SRP72: variants seen among roughly 807,000 people sequenced by gnomAD.
The protein encoded by SRP72 is signal recognition particle subunit SRP72.
A neutral mutation model predicts 96.3 loss-of-function variants in SRP72; 49 were observed. That is an observed-to-expected ratio of 0.51 (90% CI 0.40 to 0.65). The LOEUF (loss-of-function observed/expected upper bound fraction) is 0.65. Among genes scored for constraint, SRP72 ranks in the 30% least tolerant of loss-of-function variants. SRP72 has a pLI of 0.00. For missense variants in SRP72, 736 were observed against 793.3 expected, an observed-to-expected ratio of 0.93 and a Z score of 0.87; for synonymous variants, 267 against 275.2, an observed-to-expected ratio of 0.97 and a Z score of 0.30.
chr4:56,472,043 T>G (rs1468824268), intron 3 of SRP72, among the ~76,000 whole-genome samples, 200 bp downstream of exon 3: 1 of 152,208 alleles, frequency 6.6e-6, no homozygotes, highest in Non-Finnish European at 1.5e-5. Flanking sequence ...TATGAACAAA[T>G]GACTTCCTCA....
Position 56,501,979 on chromosome 4 carries a change from A to G in SRP72, c.*118A>G, listed in dbSNP as rs1324304372. 9.0e-7 allele frequency: 1 copy of G among 1,111,354 alleles called. No homozygotes were observed. 68.8% of individuals were successfully genotyped at this position (1,111,354 alleles called of 1,614,324 possible). On this transcript the variant is annotated 3_prime_UTR_variant, in exon 19 of 19. Coordinates refer to ENST00000642900, the MANE Select transcript of SRP72 (RefSeq NM_006947.4). ...CCCTCTTCATCTCCATATTTTCATA[A>G]TTTCTTGTGTTTCAAATAGGGAAAC...
rs770391551 is a variant in SRP72, at chr4:56,478,481, T to C, written c.745T>C (p.Tyr249His). 4 of 1,614,068 alleles carry C rather than the reference T, an allele frequency of 2.5e-6. No homozygotes were observed. The highest frequency in any genetic ancestry group is 4.5e-5 in the East Asian group (2 of 44,864). ...QGRTEEALQL[Y>H]NQIIKLKPTD... Reference sequence around the variant, plus strand: ...TCGAACAGAGGAGGCTTTGCAACTTTACAATCAAATAATAAAACTAAAGTG... The same window carrying C: ...TCGAACAGAGGAGGCTTTGCAACTTCACAATCAAATAATAAAACTAAAGTG... Residue 249 changes from tyrosine (Y) to histidine (H), a missense_variant, in exon 7 of 19, where the codon TAC becomes CAC. Coordinates refer to ENST00000642900, the MANE Select transcript of SRP72 (RefSeq NM_006947.4).
At position 56,478,483 on chromosome 4, in the gene SRP72, CAATCAAAT is replaced by C; in HGVS notation, c.751_758del (p.Gln251LysfsTer16). The stretch of plus-strand genomic sequence containing the variant: ...GAACAGAGGAGGCTTTGCAACTTTA[CAATCAAAT>C]AATAAAACTAAAGTGAGTTATTAAA... On this transcript the variant is annotated frameshift_variant, in exon 7 of 19. Coordinates refer to ENST00000642900, the MANE Select transcript of SRP72 (RefSeq NM_006947.4). LOFTEE classifies it high-confidence loss of function. 6.2e-7 allele frequency: 1 copy of C among 1,613,964 alleles called. No individual in the cohort carries two copies. Among genetic ancestry groups the C allele is most frequent in the Non-Finnish European group, 8.5e-7 (1 of 1,179,972 alleles).
intron 17 of SRP72, 167 bp from the exon 18 acceptor site, chr4:56,500,369 T>A: frequency 2.8e-6 from 2 of 703,446 alleles, no homozygotes; most frequent in Non-Finnish European, 4.5e-6. Flanking sequence ...GTATAATAAT[T>A]TAAAAAAAAA....
At chr4:56,472,223 G>A (rs1720004494) in intron 3 of SRP72, among the ~76,000 whole-genome samples, 1 of 152,000 alleles carries the variant, frequency 6.6e-6, no homozygotes, top group Admixed American at 6.6e-5. Context: ...TCTAGCCCAT[G>A]AAATTGTGAA....
chr4:56,483,260 A>G lies in SRP72; in HGVS notation c.947A>G (p.Tyr316Cys). The G allele has an allele frequency of 1.9e-6, 3 of 1,612,920 alleles. No individual in the cohort carries two copies. The highest frequency in any genetic ancestry group is 2.5e-6 in the Non-Finnish European group (3 of 1,179,628). Residue 316 changes from tyrosine to cysteine, a missense_variant, in exon 9 of 19, where the codon TAC becomes TGC. By Grantham distance (194) the Tyr-to-Cys change is radical (BLOSUM62 -2). Around this residue, in one of 3 missense-constraint regions of SRP72, gnomAD observed 388 missense variants for 431.8 expected, o/e 0.90. Coordinates refer to ENST00000642900, the MANE Select transcript of SRP72 (RefSeq NM_006947.4). ...TTTAACAAAGCTTTACTTGCTATGT[A>G]CACAAACCAGGTGGGTAATTACCTT... The part of the protein sequence containing the change: ...IEFNKALLAM[Y>C]TNQAEQCRKI...
At chr4:56,487,405 C>A (rs1720751085) in intron 11 of SRP72, among the ~76,000 whole-genome samples, 1 of 152,104 alleles carries the variant, frequency 6.6e-6, no homozygotes, top group South Asian at 2.1e-4. Context: ...TTTACTTGAT[C>A]TTTCCTCCTA....
intron 9 of SRP72, among the ~76,000 whole-genome samples, chr4:56,484,026 ATTTTTTTTT>A (rs539665243): frequency 4.6e-5 from 4 of 86,618 alleles, no homozygotes; most frequent in South Asian, 4.3e-4. Context: ...AGAAGCAGTA[ATTTTTTTTT>A]TTTTTTTTTT....
At chr4:56,479,481 G>A (rs966048555) in intron 8 of SRP72, among the ~76,000 whole-genome samples, 2 of 151,428 alleles carry the variant, frequency 1.3e-5, no homozygotes, top group Admixed American at 6.6e-5. Context: ...GCCCGGCCAG[G>A]AACACTCTAA....
intron 10 of SRP72, among the ~76,000 whole-genome samples, chr4:56,485,385 C>A (rs1332824419): frequency 7.0e-6 from 1 of 142,028 alleles, no homozygotes; most frequent in Non-Finnish European, 1.5e-5. Flanking sequence ...GACACCGCCC[C>A]TTCTCTCCCC....
chr4:56,498,077 A>T (rs902105296), intron 17 of SRP72, among the ~76,000 whole-genome samples: 2 of 151,874 alleles, frequency 1.3e-5, no homozygotes, highest in African/African-American at 4.8e-5. Context: ...TGTATTTTAA[A>T]TTTTTTCTTA....
In SRP72 at chr4:56,471,861, A is replaced by G. The variant is rs1289721430; in HGVS notation, c.354+18A>G. On this transcript the variant is annotated intron_variant, in intron 3 of 18. Coordinates refer to ENST00000642900, the MANE Select transcript of SRP72 (RefSeq NM_006947.4). Reference sequence around the variant, plus strand: ...GACAAGTGGTAATTACTGCTTTTAAATACATGTTGACAGTGATACTGAGTG... The same window carrying G: ...GACAAGTGGTAATTACTGCTTTTAAGTACATGTTGACAGTGATACTGAGTG... 4 of 1,613,212 alleles carry G rather than the reference A, an allele frequency of 2.5e-6. No homozygotes were observed. Among genetic ancestry groups the G allele is most frequent in the East Asian group, 2.2e-5 (1 of 44,844 alleles).
At chr4:56,476,894 A>G in intron 6 of SRP72, 192 bp downstream of exon 6, 1 of 573,110 alleles carries the variant, frequency 1.7e-6, no homozygotes, top group Non-Finnish European at 3.0e-6. Context: ...AATACAAAAA[A>G]TTTTGACATA....
intron 5 of SRP72, chr4:56,476,398 TAATA>T: frequency 2.3e-6 from 1 of 438,196 alleles, no homozygotes; most frequent in Non-Finnish European, 4.0e-6. Flanking sequence ...TTTTCGCAAT[TAATA>T]TTTACTACAT....
chr4:56,501,130 G>A (rs1052226603), intron 18 of SRP72, among the ~76,000 whole-genome samples: 1 of 152,100 alleles, frequency 6.6e-6, no homozygotes, highest in Non-Finnish European at 1.5e-5. Context: ...TTTTCTGGCC[G>A]GGCGCAGTGG....
intron 17 of SRP72, among the ~76,000 whole-genome samples, chr4:56,500,130 C>T (rs1208156410): frequency 2.0e-5 from 3 of 152,064 alleles, no homozygotes; most frequent in East Asian, 1.9e-4. Context: ...AACCAAACAC[C>T]GCGTGTTCTC....
At position 56,471,313 on chromosome 4, in the gene SRP72, T is replaced by C. The variant is rs1315769303; in HGVS notation, c.231-407T>C. Among the ~76,000 whole-genome samples, 5 of 152,248 alleles carry C rather than the reference T, an allele frequency of 3.3e-5. No individual in the cohort carries two copies. The East Asian group carries it at 9.6e-4, about 29-fold the overall frequency. ...TTTCTAGTTACTGTTTCTTTGCTAA[T>C]CATTTGTTTCTTAAACAAGTTTAAA... On this transcript the variant is annotated intron_variant, in intron 2 of 18. Transcript: ENST00000642900.
chr4:56,498,644 C>A (rs1022787549), intron 17 of SRP72, among the ~76,000 whole-genome samples: 2 of 152,068 alleles, frequency 1.3e-5, no homozygotes, highest in African/African-American at 4.8e-5. Context: ...AGCAGAGAGC[C>A]AAATCATGAG....
intron 6 of SRP72, 122 bp downstream of exon 6, chr4:56,476,824 C>T: frequency 1.1e-6 from 1 of 892,470 alleles, no homozygotes; most frequent in Non-Finnish European, 1.7e-6. Context: ...GTAGGAATCA[C>T]ACTAGAAACC....
Sources: gnomAD v4.1 joint callset for allele counts (sites outside exome capture counted in the v4.1 genomes callset) on GRCh38, gnomAD v4.1.1 for gene constraint, gnomAD v4.1.1 regional missense constraint, MANE v1.5 for transcripts, NCBI Gene and HGNC (gene_info 2026-07-23, HGNC 2026-07-21) for gene names.